Variants in STK10 observed in about 807,000 individuals in gnomAD.
The protein encoded by STK10 is serine/threonine-protein kinase 10.
STK10 carries 78 observed loss-of-function variants against 113.8 expected under a neutral mutation model. That is an observed-to-expected ratio of 0.69 (90% confidence interval 0.57 to 0.83). The LOEUF (loss-of-function observed/expected upper bound fraction) is 0.83. Among genes scored for constraint, STK10 ranks in the 40% least tolerant of loss-of-function variants. The probability of loss-of-function intolerance (pLI) is 0.00; values close to 1 mark genes in which losing one functional copy is unlikely to be tolerated. For synonymous variants in STK10, 465 were observed against 494.7 expected (o/e 0.94, Z 0.80); for missense variants, 1,109 against 1,280.1 (o/e 0.87, Z 2.04).
chr5:172,156,908 C>G, intron 1 of STK10, 120 bp from the exon 2 acceptor site: 3 of 1,147,756 alleles, frequency 2.6e-6, no homozygotes, highest in Non-Finnish European at 3.7e-6. Flanking sequence ...GATGCTGAAC[C>G]GGAACGTACA....
intron 1 of STK10, among the ~76,000 whole-genome samples, chr5:172,162,400 T>G (rs187587116): frequency 2.0e-5 from 3 of 152,286 alleles, no homozygotes. Flanking sequence ...TAGCCACCCA[T>G]CATTTAAGTT....
intron 12 of STK10, among the ~76,000 whole-genome samples, chr5:172,067,661 A>G (rs913168287): frequency 2.0e-5 from 3 of 151,974 alleles, no homozygotes; most frequent in Admixed American, 6.6e-5. Flanking sequence ...AAATTAGAAA[A>G]TTTAAAACTA....
At chr5:172,141,340 G>A (rs1162316595) in intron 2 of STK10, among the ~76,000 whole-genome samples, 1 of 152,194 alleles carries the variant, frequency 6.6e-6, no homozygotes, top group Non-Finnish European at 1.5e-5. Flanking sequence ...ACTTTGGGAG[G>A]CCGAGGCGGG....
intron 12 of STK10, among the ~76,000 whole-genome samples, chr5:172,071,125 C>G (rs1768169124): frequency 7.0e-6 from 1 of 142,040 alleles, no homozygotes; most frequent in African/African-American, 2.6e-5. Flanking sequence ...AGGAGAATCG[C>G]TTGAACCTGG....
intron 2 of STK10, among the ~76,000 whole-genome samples, chr5:172,148,829 C>T (rs919641767): frequency 6.6e-5 from 10 of 152,308 alleles, no homozygotes; most frequent in Non-Finnish European, 1.2e-4. Flanking sequence ...ACATGTGGGA[C>T]GAGCCTCTCC....
chr5:172,095,097 C>T (rs1231163525), intron 8 of STK10, among the ~76,000 whole-genome samples: 1 of 152,222 alleles, frequency 6.6e-6, no homozygotes, highest in Non-Finnish European at 1.5e-5. Flanking sequence ...GTCCTATGGT[C>T]TCTAAGTGCT....
chr5:172,163,871 G>A (rs920205684), intron 1 of STK10, among the ~76,000 whole-genome samples: 3 of 151,946 alleles, frequency 2.0e-5, no homozygotes, highest in Admixed American at 6.6e-5. Flanking sequence ...GACTCATCTT[G>A]GCCAATCAGA....
intron 10 of STK10, among the ~76,000 whole-genome samples, chr5:172,088,657 G>C (rs919025104): frequency 6.6e-6 from 1 of 152,088 alleles, no homozygotes; most frequent in Non-Finnish European, 1.5e-5. Context: ...AGGGGACTCC[G>C]TGGCTCCATG....
chr5:172,128,242 A>C (rs921716407), intron 2 of STK10, among the ~76,000 whole-genome samples: 1 of 150,584 alleles, frequency 6.6e-6, no homozygotes, highest in South Asian at 2.1e-4. Flanking sequence ...AAAAAAAAAA[A>C]AAAGAAAGGT....
At chr5:172,053,261 CTG>C in intron 17 of STK10, 1 of 514,032 alleles carries the variant, frequency 1.9e-6, no homozygotes, top group East Asian at 3.4e-5. Context: ...CTTATTAACT[CTG>C]TGGTGGGGAG....
At chr5:172,182,831 T>G (rs973473196) in intron 1 of STK10, among the ~76,000 whole-genome samples, 1 of 151,922 alleles carries the variant, frequency 6.6e-6, no homozygotes, top group African/African-American at 2.4e-5. Context: ...AGATTACAGG[T>G]GTGAGCCACC....
intron 2 of STK10, among the ~76,000 whole-genome samples, chr5:172,135,533 A>C (rs1012838119): frequency 6.6e-6 from 1 of 152,082 alleles, no homozygotes; most frequent in Non-Finnish European, 1.5e-5. Context: ...GATAAACAAC[A>C]GTAAGTGTTG....
At chr5:172,157,481 G>A (rs955518780) in intron 1 of STK10, among the ~76,000 whole-genome samples, 6 of 152,086 alleles carry the variant, frequency 3.9e-5, no homozygotes, top group East Asian at 1.9e-4. Context: ...GCTTGAACCC[G>A]GGAGGCAGAG....
intron 1 of STK10, among the ~76,000 whole-genome samples, chr5:172,174,274 C>T (rs185023604): frequency 6.6e-6 from 1 of 152,244 alleles, no homozygotes; most frequent in African/African-American, 2.4e-5. Flanking sequence ...CGGGTTCAAG[C>T]TATTCTTCTG....
chr5:172,124,069 G>C (rs1179691891), intron 3 of STK10, among the ~76,000 whole-genome samples: 1 of 152,112 alleles, frequency 6.6e-6, no homozygotes, highest in African/African-American at 2.4e-5. Context: ...TGGGATTACA[G>C]GTGCAAACCA....
At position 172,095,795 on chromosome 5, in the gene STK10, G is replaced by A. The variant is rs555672028; in HGVS notation, c.1005+631C>T. 2.6e-5 allele frequency among the ~76,000 whole-genome samples: 4 copies of A among 152,354 alleles called. No homozygotes were observed. In the South Asian group the frequency reaches 6.2e-4, roughly 24 times the overall value. ...GCTTCTCTAGGCACAGGGAGCCACCGGGATGGCCACCCTATCCCTGGGAAG... is the reference window on the plus strand; with the variant it reads ...GCTTCTCTAGGCACAGGGAGCCACCAGGATGGCCACCCTATCCCTGGGAAG... On this transcript the variant is annotated intron_variant, in intron 8 of 18. Transcript: ENST00000176763.
chr5:172,170,338 G>C (rs546216841), intron 1 of STK10, among the ~76,000 whole-genome samples: 1 of 152,242 alleles, frequency 6.6e-6, no homozygotes, highest in African/African-American at 2.4e-5. Context: ...TTACCTTGCA[G>C]GAGCCAAAGC....
At chr5:172,147,245 G>C (rs954215853) in intron 2 of STK10, among the ~76,000 whole-genome samples, 2 of 152,172 alleles carry the variant, frequency 1.3e-5, no homozygotes, top group Admixed American at 6.5e-5. Flanking sequence ...CTGGTCAGCT[G>C]TCCAGAGGTT....
At chr5:172,062,577 G>A (rs1228830696) in intron 13 of STK10, among the ~76,000 whole-genome samples, 2 of 152,218 alleles carry the variant, frequency 1.3e-5, no homozygotes, top group Non-Finnish European at 2.9e-5. Context: ...AAAAAGGAAG[G>A]AAATTCTGAC....
Sources: allele counts gnomAD v4.1 joint callset (sites outside exome capture counted in the v4.1 genomes callset), GRCh38; gene constraint gnomAD v4.1.1; transcripts MANE v1.5; gene names NCBI Gene and HGNC (gene_info 2026-07-23, HGNC 2026-07-21).